NDST4: variants seen among roughly 807,000 people sequenced by gnomAD.
NDST4 encodes N-deacetylase and N-sulfotransferase 4, also known as N-heparan sulfate sulfotransferase 4.
A neutral mutation model predicts 100.8 loss-of-function variants in NDST4; 63 were observed. The ratio of observed to expected loss-of-function variants is 0.62; its 90% confidence interval spans 0.51 to 0.77. The LOEUF (loss-of-function observed/expected upper bound fraction) is 0.77, where lower values mean the gene tolerates loss of function less well. NDST4 is among the 30% of genes least tolerant of loss of function. The probability of loss-of-function intolerance (pLI) is 0.00; values close to 1 mark genes in which losing one functional copy is unlikely to be tolerated. For synonymous variants in NDST4, 377 were observed against 361.8 expected (o/e 1.04, Z -0.48); for missense variants, 943 against 1,018.4 (o/e 0.93, Z 1.01).
intron 2 of NDST4, among the ~76,000 whole-genome samples, chr4:115,014,241 T>C (rs904997204): frequency 1.3e-5 from 2 of 152,116 alleles, no homozygotes; most frequent in East Asian, 3.9e-4. Flanking sequence ...TCCAGCCCTA[T>C]GTCCTAAATT....
chr4:114,894,836 C>T (rs79047984), intron 6 of NDST4, among the ~76,000 whole-genome samples: 1,941 of 152,156 alleles, frequency 0.013, 45 homozygotes, highest in African/African-American at 0.044. Flanking sequence ...AAAGGGAATG[C>T]GTTCACCTTT....
intron 1 of NDST4, among the ~76,000 whole-genome samples, chr4:115,101,276 G>A (rs1729723269): frequency 6.6e-6 from 1 of 152,114 alleles, no homozygotes; most frequent in African/African-American, 2.4e-5. Flanking sequence ...GAAGTGTGAG[G>A]AGAAAATGAG....
rs118112503 is a variant in NDST4 at position 115,012,539 on chromosome 4, T to A, written c.979-35265A>T. ...AAAATAAACAGTTAATATTGAAGTA[T>A]GTTTTTACTCCATGAATTTTAATAT... On this transcript the variant is annotated intron_variant, in intron 2 of 13. Transcript: ENST00000264363. Among the ~76,000 whole-genome samples the A allele has an allele frequency of 4.8e-4, 73 of 152,214 alleles. No individual in the cohort carries two copies. The East Asian group carries it at 0.013, about 27-fold the overall frequency.
rs1728249005 is a variant in NDST4 at position 115,037,096 on chromosome 4, T to G, written c.978+38963A>C. Among the ~76,000 whole-genome samples the G allele has an allele frequency of 2.0e-5, 3 of 152,004 alleles. No individual in the cohort carries two copies. The South Asian group carries it at 6.2e-4, about 31-fold the overall frequency. On this transcript the variant is annotated intron_variant, in intron 2 of 13. Transcript: ENST00000264363. ...GATTTCATGAAAAGAGGAACAGGAT[T>G]TTATAACTAAGATCAATGAGGTTGT...
chr4:114,902,068 T>G (rs999443651), intron 6 of NDST4, among the ~76,000 whole-genome samples: 3 of 152,072 alleles, frequency 2.0e-5, no homozygotes, highest in Non-Finnish European at 4.4e-5. Context: ...ATTACATATA[T>G]GACTAAATAC....
At chr4:115,053,181 C>A (rs573834198) in intron 2 of NDST4, among the ~76,000 whole-genome samples, 3 of 152,184 alleles carry the variant, frequency 2.0e-5, no homozygotes, top group African/African-American at 7.2e-5. Context: ...CAGAGAGCAA[C>A]AAACACAGCT....
intron 7 of NDST4, among the ~76,000 whole-genome samples, chr4:114,858,215 T>C (rs968187551): frequency 6.6e-6 from 1 of 152,180 alleles, no homozygotes; most frequent in African/African-American, 2.4e-5. Flanking sequence ...TAGTGAAACA[T>C]TGATTATATT....
Position 115,054,188 on chromosome 4 carries a change from T to C in NDST4, c.978+21871A>G, listed in dbSNP as rs1410645171. ...CAACATATTATAAGAAGATAATATA[T>C]GGCAGGCTTATTTTCAATAGTAGAA... is the stretch of plus-strand genomic sequence containing the variant. On this transcript the variant is annotated intron_variant, in intron 2 of 13. Coordinates refer to ENST00000264363, the MANE Select transcript of NDST4 (RefSeq NM_022569.3). Among the ~76,000 whole-genome samples, 4 of 152,082 alleles carry C rather than the reference T, an allele frequency of 2.6e-5. No individual in the cohort carries two copies. In the East Asian group the frequency reaches 7.7e-4, roughly 29 times the overall value.
chr4:115,041,737 A>G (rs1728356025), intron 2 of NDST4, among the ~76,000 whole-genome samples: 1 of 147,402 alleles, frequency 6.8e-6, no homozygotes, highest in Admixed American at 6.6e-5. Context: ...TTTCTTCCTG[A>G]CACATCACAT....
intron 6 of NDST4, among the ~76,000 whole-genome samples, chr4:114,928,904 A>G (rs1017236592): frequency 2.6e-5 from 4 of 151,980 alleles, no homozygotes; most frequent in African/African-American, 9.7e-5. Flanking sequence ...CTATACCATC[A>G]GTTTTCCTGG....
intron 7 of NDST4, among the ~76,000 whole-genome samples, chr4:114,858,560 G>A (rs574387402): frequency 6.6e-5 from 10 of 152,288 alleles, no homozygotes; most frequent in South Asian, 2.1e-4. Context: ...TATAGTGTAC[G>A]CATTAAATCA....
At chr4:114,892,477 T>C (rs768227506) in intron 6 of NDST4, among the ~76,000 whole-genome samples, 4 of 152,156 alleles carry the variant, frequency 2.6e-5, no homozygotes, top group Non-Finnish European at 5.9e-5. Context: ...TTCTTTTACA[T>C]ACAAATTTTA....
intron 2 of NDST4, among the ~76,000 whole-genome samples, chr4:115,018,972 G>T (rs999953518): frequency 2.0e-5 from 3 of 151,676 alleles, no homozygotes; most frequent in Non-Finnish European, 2.9e-5. Flanking sequence ...TAATTATCTT[G>T]GAGACAACAT....
chr4:115,086,919 T>TA (rs1729420007), intron 1 of NDST4, among the ~76,000 whole-genome samples: 1 of 152,082 alleles, frequency 6.6e-6, no homozygotes, highest in African/African-American at 2.4e-5. Flanking sequence ...AAGATTTAGA[T>TA]AGAGTAGTAG....
intron 6 of NDST4, among the ~76,000 whole-genome samples, chr4:114,894,978 T>C (rs1431812303): frequency 6.6e-6 from 1 of 151,996 alleles, no homozygotes; most frequent in East Asian, 1.9e-4. Flanking sequence ...CAAAGGCATT[T>C]TCTGCATCAG....
At chr4:115,101,058 A>G (rs915700225) in intron 1 of NDST4, among the ~76,000 whole-genome samples, 12 of 152,034 alleles carry the variant, frequency 7.9e-5, no homozygotes, top group African/African-American at 2.7e-4. Context: ...AAATCACCCA[A>G]AGACTTCAGG....
chr4:114,963,540 T>C (rs1043103716), intron 4 of NDST4, among the ~76,000 whole-genome samples: 3 of 152,172 alleles, frequency 2.0e-5, no homozygotes, highest in African/African-American at 2.4e-5. Context: ...CTGAAAACCA[T>C]TGAAGTTTAC....
chr4:114,897,774 T>C (rs1724748302), intron 6 of NDST4, among the ~76,000 whole-genome samples: 1 of 152,210 alleles, frequency 6.6e-6, no homozygotes, highest in Non-Finnish European at 1.5e-5. Flanking sequence ...GTAATTGTAA[T>C]AGGTTTTTAG....
At chr4:114,888,560 G>A (rs1578367404) in intron 6 of NDST4, among the ~76,000 whole-genome samples, 2 of 152,326 alleles carry the variant, frequency 1.3e-5, no homozygotes, top group Non-Finnish European at 2.9e-5. Flanking sequence ...TTAAAACTCA[G>A]AGAAATTGCA....
Sources: gnomAD v4.1 joint callset for allele counts (sites outside exome capture counted in the v4.1 genomes callset) on GRCh38, gnomAD v4.1.1 for gene constraint, MANE v1.5 for transcripts, NCBI Gene and HGNC (gene_info 2026-07-23, HGNC 2026-07-21) for gene names.